Variants in RGMA observed in about 807,000 individuals in gnomAD.
RGMA encodes the protein repulsive guidance molecule BMP co-receptor a.
In RGMA, 10 loss-of-function variants were observed where a neutral mutation model predicts 23.2. The observed-to-expected ratio is 0.43, with a 90% CI of 0.27 to 0.73. The LOEUF (loss-of-function observed/expected upper bound fraction) is 0.73, where lower values mean the gene tolerates loss of function less well. Among genes scored for constraint, RGMA ranks in the 30% least tolerant of loss-of-function variants. The probability of loss-of-function intolerance (pLI) is 0.20; values close to 1 mark genes in which losing one functional copy is unlikely to be tolerated. For missense variants in RGMA, 547 were observed against 630.5 expected (o/e 0.87, Z 1.42); for synonymous variants, 308 against 279.3 (o/e 1.10, Z -1.03).
chr15:93,047,313 T>C (rs1006507490), intron 3 of RGMA, among the ~76,000 whole-genome samples: 1 of 152,166 alleles, frequency 6.6e-6, no homozygotes, highest in African/African-American at 2.4e-5. Flanking sequence ...CACCCCTTCT[T>C]CCACTCCTTT....
chr15:93,074,637 G>C (rs1438021445), intron 1 of RGMA, among the ~76,000 whole-genome samples: 1 of 152,210 alleles, frequency 6.6e-6, no homozygotes, highest in Non-Finnish European at 1.5e-5. Context: ...CCCAAACCAG[G>C]GTTCATTTCA....
chr15:93,046,276 A>G (rs1385112622), intron 3 of RGMA, among the ~76,000 whole-genome samples: 1 of 152,206 alleles, frequency 6.6e-6, no homozygotes, highest in Non-Finnish European at 1.5e-5. Context: ...GATGTGCTCA[A>G]CAAGGCAGAG....
At chr15:93,076,826 G>A (rs1174292444) in intron 1 of RGMA, among the ~76,000 whole-genome samples, 1 of 152,218 alleles carries the variant, frequency 6.6e-6, no homozygotes, top group Non-Finnish European at 1.5e-5. Flanking sequence ...CGTACTGTGT[G>A]TGCCATTCAT....
chr15:93,064,686 G>A (rs531664269), intron 2 of RGMA, among the ~76,000 whole-genome samples: 1 of 152,350 alleles, frequency 6.6e-6, no homozygotes, highest in South Asian at 2.1e-4. Context: ...CTGCCGGCTG[G>A]AGTGAAATGG....
chr15:93,088,980 AGAG>A lies in RGMA; in HGVS notation c.-51_-49del. 1 of 1,310,796 alleles carries A rather than the reference AGAG, an allele frequency of 7.6e-7. No individual in the cohort carries two copies. The highest frequency in any genetic ancestry group is 9.8e-7 in the Non-Finnish European group (1 of 1,017,750). The allele number at this position is 1,310,796 out of a possible 1,614,324, so 81.2% of individuals were successfully genotyped here. ...GTGGCGCTGGCGGGGCTGCGGGAGA[AGAG>A]GGGGTGTCGGGGCGCCGCTCGTCTG... On this transcript the variant is annotated 5_prime_UTR_variant, in exon 1 of 4. Coordinates refer to ENST00000329082, the MANE Select transcript of RGMA (RefSeq NM_020211.3).
At chr15:93,088,778 A>G (rs954363424) in intron 1 of RGMA, 141 bp downstream of exon 1, 28 of 856,308 alleles carry the variant, frequency 3.3e-5, no homozygotes, top group Non-Finnish European at 4.9e-5. Flanking sequence ...AGGCGCAGCA[A>G]AGCTCCAAAT....
chr15:93,048,140 A>G (rs2054857056), intron 3 of RGMA, among the ~76,000 whole-genome samples: 1 of 152,156 alleles, frequency 6.6e-6, no homozygotes, highest in Admixed American at 6.5e-5. Context: ...CCAGTGGGGT[A>G]TTCAGAGCCA....
At chr15:93,060,864 G>A (rs1894936767) in intron 2 of RGMA, among the ~76,000 whole-genome samples, 3 of 152,224 alleles carry the variant, frequency 2.0e-5, no homozygotes, top group Admixed American at 2.0e-4. Context: ...GGCATCCCAG[G>A]ACTTCCCCTG....
chr15:93,065,468 G>C (rs1449805321), intron 2 of RGMA: 1 of 444,042 alleles, frequency 2.3e-6, no homozygotes, highest in Non-Finnish European at 4.2e-6. Context: ...TGAAAAGCTG[G>C]TATTTTGATG....
chr15:93,060,461 G>A (rs1894920054), intron 2 of RGMA, among the ~76,000 whole-genome samples: 1 of 152,188 alleles, frequency 6.6e-6, no homozygotes, highest in African/African-American at 2.4e-5. Flanking sequence ...TTGTCCCGGA[G>A]CCCCATGGGG....
At chr15:93,085,597 T>A (rs765425283) in intron 1 of RGMA, among the ~76,000 whole-genome samples, 33 of 152,252 alleles carry the variant, frequency 2.2e-4, no homozygotes, top group Non-Finnish European at 3.8e-4. Flanking sequence ...CTGGATATAA[T>A]CATTTCGTAA....
rs145202615 is a variant in RGMA at position 93,084,662 on chromosome 15, G to A, written c.14+4257C>T. Among the ~76,000 whole-genome samples, 27 of 152,036 alleles carry A rather than the reference G, an allele frequency of 1.8e-4. No individual in the cohort carries two copies. The East Asian group carries it at 4.5e-3, about 25-fold the overall frequency. On this transcript the variant is annotated intron_variant, in intron 1 of 3. Coordinates refer to ENST00000329082, the MANE Select transcript of RGMA (RefSeq NM_020211.3). ...CAGTTTTTACACTTCTAGTAGAGAC[G>A]GCGTTTCACCATGTTGACCATGCTG...
At chr15:93,080,538 G>GCTCCC (rs1171439565) in intron 1 of RGMA, among the ~76,000 whole-genome samples, 2 of 152,196 alleles carry the variant, frequency 1.3e-5, no homozygotes, top group Non-Finnish European at 2.9e-5. Context: ...GATCACAGCT[G>GCTCCC]CTCCCCAGGC....
rs1567198470 is a variant in RGMA, at chr15:93,088,458, A to G, written c.14+461T>C. On this transcript the variant is annotated intron_variant, in intron 1 of 3. Transcript: ENST00000329082. ...GCCGGGACGCGAGCCCACGCGGTGC[A>G]CTGCGCCGACATCCCCGAGGGCAGG... 5.1e-6 allele frequency: 5 copies of G among 986,508 alleles called. No individual in the cohort carries two copies. The South Asian group carries it at 1.4e-4, about 28-fold the overall frequency. The allele number at this position is 986,508 out of a possible 1,614,324, so 61.1% of individuals were successfully genotyped here.
At chr15:93,053,885 A>G (rs558445982) in intron 2 of RGMA, among the ~76,000 whole-genome samples, 2 of 152,328 alleles carry the variant, frequency 1.3e-5, no homozygotes, top group African/African-American at 2.4e-5. Flanking sequence ...CTAAGTGAAC[A>G]CTTTGTCTTT....
At chr15:93,073,156 C>T in intron 1 of RGMA, 125 bp from the exon 2 acceptor site, 1 of 1,211,458 alleles carries the variant, frequency 8.3e-7, no homozygotes, top group Non-Finnish European at 1.0e-6. Flanking sequence ...GCGCCCGGCG[C>T]GCTCCCCTTC....
chr15:93,073,789 C>A lies in RGMA; in HGVS notation c.15-758G>T, dbSNP rs146373559. The A allele has an allele frequency of 9.6e-4, 1,477 of 1,535,428 alleles. 13 individuals carry two copies. The African/African-American group carries it at 0.016, about 16-fold the overall frequency. ...GGGTTTGGCCTGCCTCCAGCACCCC[C>A]TTCAAGCACCTCGCTGCTTCCTGAA... On this transcript the variant is annotated intron_variant, in intron 1 of 3. Coordinates refer to ENST00000329082, the MANE Select transcript of RGMA (RefSeq NM_020211.3).
At chr15:93,084,720 G>C (rs569218359) in intron 1 of RGMA, among the ~76,000 whole-genome samples, 1 of 152,226 alleles carries the variant, frequency 6.6e-6, no homozygotes, top group South Asian at 2.1e-4. Context: ...TGATCTGCCC[G>C]CCTTGGCCTC....
At chr15:93,085,058 C>T (rs1567197454) in intron 1 of RGMA, among the ~76,000 whole-genome samples, 1 of 152,086 alleles carries the variant, frequency 6.6e-6, no homozygotes, top group South Asian at 2.1e-4. Flanking sequence ...GAAATGTACA[C>T]TAAGAATAAA....
Sources: gnomAD v4.1 joint callset for allele counts (sites outside exome capture counted in the v4.1 genomes callset) on GRCh38, gnomAD v4.1.1 for gene constraint, MANE v1.5 for transcripts, NCBI Gene and HGNC (gene_info 2026-07-23, HGNC 2026-07-21) for gene names.